Variants in UVRAG observed in about 807,000 individuals in gnomAD.
UVRAG encodes UV radiation resistance associated.
UVRAG carries 19 observed loss-of-function variants against 78.0 expected under a neutral mutation model. The ratio of observed to expected loss-of-function variants is 0.24; its 90% CI spans 0.17 to 0.36. UVRAG has a LOEUF of 0.36. Ranked by LOEUF, UVRAG falls within the 10% of genes least tolerant of loss-of-function variation. The pLI, the probability that UVRAG is intolerant of heterozygous loss-of-function variation, is 1.00. For synonymous variants in UVRAG, 323 were observed against 324.6 expected, an observed-to-expected ratio of 1.00 and a Z score of 0.05; for missense variants, 740 against 853.8, an observed-to-expected ratio of 0.87 and a Z score of 1.66.
chr11:76,055,056 C>G (rs924520242), intron 12 of UVRAG, among the ~76,000 whole-genome samples: 3 of 152,022 alleles, frequency 2.0e-5, no homozygotes, highest in Non-Finnish European at 2.9e-5. Context: ...AATTTTCCAC[C>G]TATAGGAAGC....
rs369006494 is a variant in UVRAG at position 75,837,133 on chromosome 11, TC to T, written c.118-14748del. 2.6e-3 allele frequency among the ~76,000 whole-genome samples: 399 copies of T among 152,064 alleles called. 2 individuals carry two copies. The highest frequency in any genetic ancestry group is 9.1e-3 in the African/African-American group (376 of 41,490). The stretch of plus-strand genomic sequence containing the variant: ...TCCTGAGGTCAGGAGATCAAGACCA[TC>T]CTGGCTAACAGGGTGAAACCCCATC... On this transcript the variant is annotated intron_variant, in intron 1 of 14. Transcript: ENST00000356136.
chr11:76,056,872 A>G (rs957147259), intron 12 of UVRAG, among the ~76,000 whole-genome samples: 15 of 152,328 alleles, frequency 9.8e-5, no homozygotes, highest in African/African-American at 3.6e-4. Flanking sequence ...AGGATTTTAG[A>G]TTGAGTGACC....
At chr11:76,049,445 A>G (rs939069186) in intron 12 of UVRAG, among the ~76,000 whole-genome samples, 1 of 152,240 alleles carries the variant, frequency 6.6e-6, no homozygotes, top group East Asian at 1.9e-4. Flanking sequence ...TTATCAAATC[A>G]CTTGGTAAAT....
At chr11:75,902,411 C>A (rs1947523821) in intron 5 of UVRAG, among the ~76,000 whole-genome samples, 1 of 152,294 alleles carries the variant, frequency 6.6e-6, no homozygotes, top group African/African-American at 2.4e-5. Context: ...AAATCTAATG[C>A]CCACGCTGAT....
At chr11:76,132,318 A>G (rs1444167347) in intron 14 of UVRAG, among the ~76,000 whole-genome samples, 1 of 151,878 alleles carries the variant, frequency 6.6e-6, no homozygotes, top group Admixed American at 6.6e-5. Context: ...TTTTCTTTTT[A>G]AATATTCTTA....
At chr11:76,046,485 A>T (rs1297974187) in intron 12 of UVRAG, among the ~76,000 whole-genome samples, 1 of 152,244 alleles carries the variant, frequency 6.6e-6, no homozygotes, top group Non-Finnish European at 1.5e-5. Context: ...AAATGAAAAA[A>T]CTAGGTTGTT....
At chr11:75,909,051 T>TA (rs1477491051) in intron 5 of UVRAG, among the ~76,000 whole-genome samples, 23 of 152,116 alleles carry the variant, frequency 1.5e-4, no homozygotes, top group African/African-American at 5.6e-4. Flanking sequence ...TAGTTTACCT[T>TA]AAGATTTGTC....
At chr11:76,108,443 G>C (rs1457945027) in intron 13 of UVRAG, among the ~76,000 whole-genome samples, 1 of 152,208 alleles carries the variant, frequency 6.6e-6, no homozygotes, top group African/African-American at 2.4e-5. Flanking sequence ...AGAGCTGCAA[G>C]TGGTCTTCCC....
intron 13 of UVRAG, among the ~76,000 whole-genome samples, chr11:76,092,992 C>A (rs952231959): frequency 3.9e-5 from 6 of 151,996 alleles, no homozygotes; most frequent in Non-Finnish European, 7.4e-5. Context: ...GTCTTTAATC[C>A]ATCTTGAATT....
chr11:76,046,575 T>G (rs1950761198), intron 12 of UVRAG, among the ~76,000 whole-genome samples: 1 of 152,216 alleles, frequency 6.6e-6, no homozygotes, highest in Non-Finnish European at 1.5e-5. Context: ...ATAACATGGT[T>G]ATAATACTGT....
intron 12 of UVRAG, among the ~76,000 whole-genome samples, chr11:76,031,278 T>C (rs1950433025): frequency 6.6e-6 from 1 of 152,066 alleles, no homozygotes; most frequent in African/African-American, 2.4e-5. Context: ...TGTTTTAAAA[T>C]AAGGAATCCC....
At chr11:75,923,510 T>G (rs1381502344) in intron 6 of UVRAG, among the ~76,000 whole-genome samples, 5 of 152,182 alleles carry the variant, frequency 3.3e-5, no homozygotes, top group African/African-American at 4.8e-5. Context: ...ATGAAAGGTA[T>G]TAATGTGAAC....
chr11:75,923,005 TA>T (rs1948012770), intron 6 of UVRAG, among the ~76,000 whole-genome samples: 1 of 135,550 alleles, frequency 7.4e-6, no homozygotes, highest in Non-Finnish European at 1.5e-5. Context: ...TATTTTTTCA[TA>T]TATATATATA....
chr11:75,986,361 T>C (rs1356824940), intron 8 of UVRAG, among the ~76,000 whole-genome samples: 1 of 152,178 alleles, frequency 6.6e-6, no homozygotes, highest in African/African-American at 2.4e-5. Flanking sequence ...TATATAGATG[T>C]ACAATTAATT....
intron 5 of UVRAG, chr11:75,911,304 C>T (rs765791075): frequency 3.6e-5 from 6 of 168,564 alleles, no homozygotes; most frequent in Non-Finnish European, 7.9e-5. Flanking sequence ...ATAGATTCTG[C>T]AGGCTCTTGT....
intron 14 of UVRAG, among the ~76,000 whole-genome samples, chr11:76,139,823 GA>G (rs1952673341): frequency 6.6e-6 from 1 of 152,004 alleles, no homozygotes; most frequent in Admixed American, 6.5e-5. Flanking sequence ...AATTACTTCA[GA>G]AATTATAAAG....
intron 1 of UVRAG, among the ~76,000 whole-genome samples, chr11:75,824,023 C>A (rs1219113594): frequency 6.6e-6 from 1 of 151,788 alleles, no homozygotes; most frequent in Non-Finnish European, 1.5e-5. Flanking sequence ...ATTTGGATAC[C>A]CTACTTTTGC....
chr11:75,999,661 G>T (rs986863659), intron 8 of UVRAG, among the ~76,000 whole-genome samples: 11 of 152,128 alleles, frequency 7.2e-5, no homozygotes, highest in Non-Finnish European at 1.3e-4. Context: ...TTACAGGTGT[G>T]AGCCACCGTG....
At chr11:75,917,525 A>G (rs1425301580) in intron 6 of UVRAG, among the ~76,000 whole-genome samples, 1 of 152,180 alleles carries the variant, frequency 6.6e-6, no homozygotes, top group African/African-American at 2.4e-5. Context: ...GCTACAACCA[A>G]CACATCTACA....
Sources: gnomAD v4.1 joint callset for allele counts (sites outside exome capture counted in the v4.1 genomes callset) on GRCh38, gnomAD v4.1.1 for gene constraint, MANE v1.5 for transcripts, NCBI Gene and HGNC (gene_info 2026-07-23, HGNC 2026-07-21) for gene names.